Variants in RBMS2 observed in about 807,000 individuals in gnomAD.
RBMS2 encodes the protein RNA binding motif single stranded interacting protein 2.
Under a neutral mutation model 58.4 loss-of-function variants are expected in RBMS2, and 38 were observed. The observed-to-expected ratio is 0.65, with a 90% CI of 0.50 to 0.85. The LOEUF (loss-of-function observed/expected upper bound fraction) is 0.85, where lower values mean the gene tolerates loss of function less well. Ranked by LOEUF, RBMS2 falls within the 40% of genes least tolerant of loss-of-function variation. The pLI is 0.00. For synonymous variants in RBMS2, 151 were observed against 180.7 expected, an observed-to-expected ratio of 0.84 and a Z score of 1.32; for missense variants, 367 against 503.7, an observed-to-expected ratio of 0.73 and a Z score of 2.60.
chr12:56,541,434 C>G (rs1344098992), intron 1 of RBMS2, among the ~76,000 whole-genome samples: 1 of 152,006 alleles, frequency 6.6e-6, no homozygotes, highest in Non-Finnish European at 1.5e-5. Flanking sequence ...CTAACCTTTA[C>G]CCCACTATTT....
At chr12:56,563,514 C>T (rs973313957) in intron 2 of RBMS2, among the ~76,000 whole-genome samples, 2 of 152,110 alleles carry the variant, frequency 1.3e-5, no homozygotes, top group African/African-American at 2.4e-5. Flanking sequence ...GAAGACCCTT[C>T]GGAGTTCTTT....
Position 56,589,435 on chromosome 12 carries a change from C to A in RBMS2, c.*302C>A. The A allele has an allele frequency of 1.8e-6, 1 of 554,152 alleles. No individual in the cohort carries two copies. Among genetic ancestry groups the A allele is most frequent in the Non-Finnish European group, 2.6e-6 (1 of 387,950 alleles). 34.3% of individuals were successfully genotyped at this position (554,152 alleles called of 1,614,324 possible). Reference sequence around the variant, plus strand: ...GCTTTTTGTTTTTAACTGCAACGTACTTTTCCCCTACCTTGAAGAGACATG... The same window carrying A: ...GCTTTTTGTTTTTAACTGCAACGTAATTTTCCCCTACCTTGAAGAGACATG... On this transcript the variant is annotated 3_prime_UTR_variant, in exon 14 of 14. Transcript: ENST00000262031.
intron 1 of RBMS2, among the ~76,000 whole-genome samples, chr12:56,540,816 A>G (rs1291618883): frequency 6.6e-6 from 1 of 152,162 alleles, no homozygotes; most frequent in Admixed American, 6.6e-5. Context: ...AAACCTAAAT[A>G]TTGGCTGGGC....
rs1460276156 is a variant in RBMS2 at position 56,529,157 on chromosome 12, T to C, written c.66+7068T>C. On this transcript the variant is annotated intron_variant, in intron 1 of 13. Coordinates refer to ENST00000262031, the MANE Select transcript of RBMS2 (RefSeq NM_002898.4). ...ATGTTCATAGGAGCATTATTCATAA[T>C]AGTCCAGAGTGGAAACAACCCAAAT... Among the ~76,000 whole-genome samples, 3 of 152,154 alleles carry C rather than the reference T, an allele frequency of 2.0e-5. No individual in the cohort carries two copies. The South Asian group carries it at 6.2e-4, about 32-fold the overall frequency.
chr12:56,539,138 C>T (rs1314583989), intron 1 of RBMS2, among the ~76,000 whole-genome samples: 1 of 151,914 alleles, frequency 6.6e-6, no homozygotes, highest in African/African-American at 2.4e-5. Context: ...GCCTCAGCCA[C>T]GCAAGTAGCT....
At chr12:56,568,921 C>T in intron 2 of RBMS2, 54 bp from the exon 3 acceptor site, 3 of 1,415,964 alleles carry the variant, frequency 2.1e-6, no homozygotes, top group South Asian at 1.2e-5. Flanking sequence ...AATCTCTGTC[C>T]TATTCTTAGT....
chr12:56,588,534 C>A, intron 12 of RBMS2, 160 bp downstream of exon 12: 2 of 665,528 alleles, frequency 3.0e-6, no homozygotes, highest in Non-Finnish European at 5.2e-6. Context: ...GCTTCGGCAG[C>A]ATGCATACTA....
At chr12:56,531,917 T>C (rs1399188530) in intron 1 of RBMS2, among the ~76,000 whole-genome samples, 1 of 151,920 alleles carries the variant, frequency 6.6e-6, no homozygotes, top group African/African-American at 2.4e-5. Flanking sequence ...TGTTTTTCTC[T>C]TATTTAAAAA....
chr12:56,579,888 C>T (rs1883676645), intron 5 of RBMS2, among the ~76,000 whole-genome samples: 1 of 152,040 alleles, frequency 6.6e-6, no homozygotes, highest in South Asian at 2.1e-4. Context: ...CTCTAAAGCA[C>T]AAATAAGGAG....
At chr12:56,577,586 C>T (rs1883323070) in intron 5 of RBMS2, among the ~76,000 whole-genome samples, 1 of 151,738 alleles carries the variant, frequency 6.6e-6, no homozygotes, top group South Asian at 2.1e-4. Context: ...GTGATCCTTA[C>T]ACCTCCGCTT....
intron 1 of RBMS2, among the ~76,000 whole-genome samples, chr12:56,560,260 A>ATT (rs34832534): frequency 2.8e-4 from 37 of 132,616 alleles, no homozygotes; most frequent in Admixed American, 9.9e-4. Context: ...AACCTTCATA[A>ATT]TTTTTTTTTT....
intron 1 of RBMS2, among the ~76,000 whole-genome samples, chr12:56,551,395 GGAT>G (rs1177511261): frequency 3.3e-5 from 5 of 152,050 alleles, no homozygotes; most frequent in Non-Finnish European, 7.4e-5. Context: ...TAGATGTCTG[GGAT>G]GATATTAGAT....
intron 1 of RBMS2, among the ~76,000 whole-genome samples, chr12:56,525,625 G>A (rs1370387823): frequency 6.6e-6 from 1 of 151,872 alleles, no homozygotes; most frequent in Non-Finnish European, 1.5e-5. Flanking sequence ...CTGGGCTTAA[G>A]CGAGCCTCCC....
At chr12:56,579,117 G>A (rs1883546450) in intron 5 of RBMS2, among the ~76,000 whole-genome samples, 1 of 152,258 alleles carries the variant, frequency 6.6e-6, no homozygotes, top group Admixed American at 6.5e-5. Flanking sequence ...AGGAGCTATT[G>A]TAAGAGGGGA....
intron 7 of RBMS2, 82 bp downstream of exon 7, chr12:56,581,590 T>C: frequency 7.0e-7 from 1 of 1,426,472 alleles, no homozygotes. Flanking sequence ...TCTGTGAGCT[T>C]AGGTGGAAAG....
At chr12:56,550,394 G>T (rs1250517384) in intron 1 of RBMS2, among the ~76,000 whole-genome samples, 2 of 152,114 alleles carry the variant, frequency 1.3e-5, no homozygotes, top group East Asian at 3.9e-4. Flanking sequence ...GCCAGGTGTG[G>T]TTGCATGTGC....
At chr12:56,539,284 T>C (rs1207658995) in intron 1 of RBMS2, among the ~76,000 whole-genome samples, 1 of 152,166 alleles carries the variant, frequency 6.6e-6, no homozygotes, top group African/African-American at 2.4e-5. Flanking sequence ...CCCAAAGTAC[T>C]AGGATTACAG....
chr12:56,522,185 G>C (rs1871830588), intron 1 of RBMS2, 96 bp downstream of exon 1: 3 of 983,642 alleles, frequency 3.0e-6, no homozygotes, highest in South Asian at 1.6e-5. Context: ...AGGGGAAGGG[G>C]CTTCCTCTCT....
At chr12:56,534,291 AT>A (rs1190235849) in intron 1 of RBMS2, among the ~76,000 whole-genome samples, 2 of 151,878 alleles carry the variant, frequency 1.3e-5, no homozygotes, top group Non-Finnish European at 2.9e-5. Context: ...GTGTTTGTTC[AT>A]TTTTGCTGTT....
Sources: allele counts gnomAD v4.1 joint callset (sites outside exome capture counted in the v4.1 genomes callset), GRCh38; gene constraint gnomAD v4.1.1; transcripts MANE v1.5; gene names NCBI Gene and HGNC (gene_info 2026-07-23, HGNC 2026-07-21).